The following NFIA variants were observed in gnomAD, a reference collection of about 807,000 sequenced individuals.
NFIA encodes the protein nuclear factor 1 A-type.
In NFIA, 8 loss-of-function variants were observed where a neutral mutation model predicts 62.8. That is an observed-to-expected ratio of 0.13 (90% CI 0.07 to 0.23). NFIA has a LOEUF of 0.23. Among genes scored for constraint, NFIA ranks in the 10% least tolerant of loss-of-function variants. The pLI is 1.00. For missense variants in NFIA, 410 were observed against 642.1 expected, an observed-to-expected ratio of 0.64 and a Z score of 3.91; for synonymous variants, 235 against 238.1, an observed-to-expected ratio of 0.99 and a Z score of 0.12.
At chr1:61,240,155 G>A (rs1016035131) in intron 2 of NFIA, among the ~76,000 whole-genome samples, 1 of 152,086 alleles carries the variant, frequency 6.6e-6, no homozygotes, top group Admixed American at 6.6e-5. Flanking sequence ...ATTAAGTGAA[G>A]TAAAATGTTT....
chr1:61,299,589 G>C (rs1296954866), intron 3 of NFIA, among the ~76,000 whole-genome samples: 2 of 152,110 alleles, frequency 1.3e-5, no homozygotes, highest in South Asian at 2.1e-4. Flanking sequence ...TGAGGCTCTT[G>C]GTGAAATCTC....
intron 2 of NFIA, among the ~76,000 whole-genome samples, chr1:61,243,345 G>C (rs1655456683): frequency 6.6e-6 from 1 of 152,108 alleles, no homozygotes; most frequent in African/African-American, 2.4e-5. Context: ...AATGTTACAT[G>C]TTACAAATGT....
intron 2 of NFIA, among the ~76,000 whole-genome samples, chr1:61,173,203 G>T (rs1650082143): frequency 6.6e-6 from 1 of 152,138 alleles, no homozygotes; most frequent in Admixed American, 6.5e-5. Flanking sequence ...AAGAAAAATT[G>T]GTAGTTCTTG....
At chr1:61,427,052 A>G (rs1234957300) in intron 10 of NFIA, among the ~76,000 whole-genome samples, 2 of 152,294 alleles carry the variant, frequency 1.3e-5, no homozygotes, top group Admixed American at 1.3e-4. Flanking sequence ...GTGTTGGTCC[A>G]GAAATAAGAC....
At chr1:61,144,466 G>A (rs1647781442) in intron 2 of NFIA, among the ~76,000 whole-genome samples, 1 of 152,122 alleles carries the variant, frequency 6.6e-6, no homozygotes, top group Admixed American at 6.5e-5. Flanking sequence ...TTAGTGATTG[G>A]CAAAGCTCAG....
At chr1:61,443,605 C>T (rs1376171563) in intron 10 of NFIA, among the ~76,000 whole-genome samples, 1 of 152,200 alleles carries the variant, frequency 6.6e-6, no homozygotes, top group African/African-American at 2.4e-5. Flanking sequence ...GAAAGGACTG[C>T]TCCAGTATGA....
intron 3 of NFIA, among the ~76,000 whole-genome samples, chr1:61,324,774 C>A (rs1660844864): frequency 6.6e-6 from 1 of 152,134 alleles, no homozygotes; most frequent in Non-Finnish European, 1.5e-5. Context: ...TGGCATTTTC[C>A]ATAATAACTG....
At chr1:61,248,579 C>T (rs1488050612) in intron 2 of NFIA, among the ~76,000 whole-genome samples, 1 of 152,168 alleles carries the variant, frequency 6.6e-6, no homozygotes, top group South Asian at 2.1e-4. Flanking sequence ...CACCGGAGAG[C>T]TCTGAGACAA....
intron 4 of NFIA, among the ~76,000 whole-genome samples, chr1:61,344,052 CTTA>C (rs1264299116): frequency 1.3e-5 from 2 of 152,142 alleles, no homozygotes; most frequent in African/African-American, 4.8e-5. Flanking sequence ...TTTTACTATA[CTTA>C]TTTTTTTTCT....
chr1:61,126,462 A>ACACACACACACACT (rs1553153077), intron 2 of NFIA, among the ~76,000 whole-genome samples: 27,253 of 145,622 alleles, frequency 0.19, 2,720 homozygotes, highest in African/African-American at 0.21. Context: ...ACACACACAC[A>ACACACACACACACT]CACACACACA....
At chr1:61,295,165 A>G (rs1292017896) in intron 3 of NFIA, among the ~76,000 whole-genome samples, 1 of 152,148 alleles carries the variant, frequency 6.6e-6, no homozygotes, top group Non-Finnish European at 1.5e-5. Flanking sequence ...CAGCTGTCCT[A>G]AGTGCAGCAC....
chr1:61,332,275 T>G (rs1250760619), intron 3 of NFIA, among the ~76,000 whole-genome samples: 1 of 152,196 alleles, frequency 6.6e-6, no homozygotes, highest in Non-Finnish European at 1.5e-5. Context: ...GAATTTTTTT[T>G]AACCATTTCA....
intron 2 of NFIA, among the ~76,000 whole-genome samples, chr1:61,246,901 T>A (rs2100651774): frequency 6.6e-6 from 1 of 152,290 alleles, no homozygotes; most frequent in Non-Finnish European, 1.5e-5. Flanking sequence ...TTGTATGACT[T>A]TTTACAGGCC....
intron 2 of NFIA, among the ~76,000 whole-genome samples, chr1:61,117,404 A>G (rs998757816): frequency 6.6e-5 from 10 of 152,002 alleles, no homozygotes; most frequent in South Asian, 2.1e-4. Context: ...GGTGTCCCTA[A>G]TACCATTTTT....
At chr1:61,213,706 T>TA (rs1373904724) in intron 2 of NFIA, among the ~76,000 whole-genome samples, 3 of 152,182 alleles carry the variant, frequency 2.0e-5, no homozygotes, top group African/African-American at 7.2e-5. Context: ...AAAGCGGTAC[T>TA]AAAAATCTGC....
intron 2 of NFIA, among the ~76,000 whole-genome samples, chr1:61,225,868 A>G (rs1261177322): frequency 6.6e-6 from 1 of 152,182 alleles, no homozygotes; most frequent in East Asian, 1.9e-4. Flanking sequence ...CTTTTTACCG[A>G]GTAGACTATA....
intron 3 of NFIA, among the ~76,000 whole-genome samples, chr1:61,311,866 T>C (rs1255332429): frequency 6.6e-6 from 1 of 152,214 alleles, no homozygotes; most frequent in East Asian, 1.9e-4. Context: ...AGAATTTCAG[T>C]ATTATAAAAT....
At chr1:61,184,125 C>CAAA (rs71050114) in intron 2 of NFIA, among the ~76,000 whole-genome samples, 6 of 94,914 alleles carry the variant, frequency 6.3e-5, no homozygotes, top group African/African-American at 7.3e-5. Context: ...GAAAAAAAAC[C>CAAA]AAAAAAAAAA....
intron 3 of NFIA, among the ~76,000 whole-genome samples, chr1:61,285,995 G>A (rs984681985): frequency 2.6e-5 from 4 of 152,156 alleles, no homozygotes; most frequent in East Asian, 1.9e-4. Flanking sequence ...CACAGCTTCC[G>A]AATAGGTCAA....
Sources: gnomAD v4.1 joint callset for allele counts (sites outside exome capture counted in the v4.1 genomes callset) on GRCh38, gnomAD v4.1.1 for gene constraint, MANE v1.5 for transcripts, NCBI Gene and HGNC (gene_info 2026-07-23, HGNC 2026-07-21) for gene names.